The following RPS6KC1 variants were observed in gnomAD, a reference collection of about 807,000 sequenced individuals.
RPS6KC1 encodes inactive ribosomal protein S6 kinase delta-1.
A neutral mutation model predicts 103.8 loss-of-function variants in RPS6KC1; 54 were observed. The ratio of observed to expected loss-of-function variants is 0.52; its 90% CI spans 0.42 to 0.65. RPS6KC1 has a LOEUF of 0.65. Among genes scored for constraint, RPS6KC1 ranks in the 30% least tolerant of loss-of-function variants. RPS6KC1 has a pLI of 0.00. For synonymous variants in RPS6KC1, 439 were observed against 438.7 expected (o/e 1.00, Z -0.01); for missense variants, 1,151 against 1,253.8 (o/e 0.92, Z 1.24).
At chr1:213,291,616 T>C in the RPS6KC1 span, among the ~76,000 whole-genome samples, 5 of 152,132 alleles carry the variant, frequency 3.3e-5, no homozygotes, top group Admixed American at 3.3e-4. Context: ...GCACTGAAAA[T>C]TGGAGCCCAG....
At chr1:213,309,950 G>T in the RPS6KC1 span, among the ~76,000 whole-genome samples, 1 of 152,164 alleles carries the variant, frequency 6.6e-6, no homozygotes, top group South Asian at 2.1e-4. Context: ...CTCCCAAAGT[G>T]CTGGGATTAC....
chr1:213,152,484 G>A (rs1231302726), intron 6 of RPS6KC1, among the ~76,000 whole-genome samples: 2 of 151,690 alleles, frequency 1.3e-5, no homozygotes, highest in African/African-American at 4.8e-5. Context: ...CTTCCCAGAC[G>A]GGGTGGCTGC....
chr1:213,055,227 A>G (rs768380130), intron 1 of RPS6KC1, among the ~76,000 whole-genome samples: 4 of 151,924 alleles, frequency 2.6e-5, no homozygotes, highest in African/African-American at 7.3e-5. Context: ...ACTCCCCCTC[A>G]TTCCCTATCT....
At chr1:213,602,182 C>CTTTCTTTCTTTCTTTCTTT in the RPS6KC1 span, among the ~76,000 whole-genome samples, 1 of 97,732 alleles carries the variant, frequency 1.0e-5, no homozygotes, top group African/African-American at 4.5e-5. Flanking sequence ...TTCTTTCTTT[C>CTTTCTTTCTTTCTTTCTTT]TTTCTTTTTC....
chr1:213,486,894 T>C, the RPS6KC1 span, among the ~76,000 whole-genome samples: 3 of 152,238 alleles, frequency 2.0e-5, no homozygotes, highest in Non-Finnish European at 2.9e-5. Context: ...TACAGCTCTC[T>C]GGCCTTGAAA....
intron 6 of RPS6KC1, among the ~76,000 whole-genome samples, chr1:213,136,554 A>G (rs1572753408): frequency 6.6e-6 from 1 of 152,206 alleles, no homozygotes; most frequent in East Asian, 1.9e-4. Flanking sequence ...GGCCTTAAAA[A>G]ACAAAAATGA....
At chr1:213,298,561 T>C in the RPS6KC1 span, among the ~76,000 whole-genome samples, 1 of 152,304 alleles carries the variant, frequency 6.6e-6, no homozygotes, top group African/African-American at 2.4e-5. Flanking sequence ...TTCTGTTAGC[T>C]AAGTTTGAGC....
At chr1:213,787,621 C>T in the RPS6KC1 span, among the ~76,000 whole-genome samples, 306 of 152,156 alleles carry the variant, frequency 2.0e-3, 1 homozygote, top group African/African-American at 6.7e-3. Flanking sequence ...AAAGATAACT[C>T]GGTGATCTGG....
the RPS6KC1 span, among the ~76,000 whole-genome samples, chr1:213,633,996 T>G: frequency 2.1e-5 from 3 of 142,692 alleles, no homozygotes; most frequent in Non-Finnish European, 4.5e-5. Context: ...CATTACATAA[T>G]GGTAAAGGGA....
At chr1:213,556,354 G>T in the RPS6KC1 span, among the ~76,000 whole-genome samples, 1 of 152,204 alleles carries the variant, frequency 6.6e-6, no homozygotes, top group Admixed American at 6.5e-5. Context: ...AGAATGGAAA[G>T]AAATTAGCAA....
intron 14 of RPS6KC1, among the ~76,000 whole-genome samples, chr1:213,263,140 C>T (rs1448980136): frequency 2.0e-5 from 3 of 152,108 alleles, no homozygotes; most frequent in East Asian, 1.9e-4. Flanking sequence ...TTTGCAGTTA[C>T]ATTTTGTAAC....
chr1:213,076,938 C>T (rs1337711298), intron 2 of RPS6KC1, among the ~76,000 whole-genome samples: 1 of 151,116 alleles, frequency 6.6e-6, no homozygotes, highest in East Asian at 2.0e-4. Flanking sequence ...GGCACTGTGT[C>T]GGCTCACTGC....
chr1:213,070,651 C>G (rs1315175350), intron 1 of RPS6KC1, among the ~76,000 whole-genome samples: 3 of 152,186 alleles, frequency 2.0e-5, no homozygotes, highest in Non-Finnish European at 2.9e-5. Flanking sequence ...TATTTGAACA[C>G]TGTTTGAACA....
chr1:213,245,512 G>A (rs942074843), intron 12 of RPS6KC1, among the ~76,000 whole-genome samples: 2 of 152,110 alleles, frequency 1.3e-5, no homozygotes, highest in Non-Finnish European at 2.9e-5. Context: ...TTTAAACAGT[G>A]TGCACCCTCT....
the RPS6KC1 span, among the ~76,000 whole-genome samples, chr1:213,723,497 C>T: frequency 6.6e-6 from 1 of 152,216 alleles, no homozygotes; most frequent in African/African-American, 2.4e-5. Flanking sequence ...ATGGGTGTTT[C>T]CTAATCTCTT....
intron 6 of RPS6KC1, among the ~76,000 whole-genome samples, chr1:213,134,972 T>A (rs777469664): frequency 6.6e-6 from 1 of 152,136 alleles, no homozygotes; most frequent in Non-Finnish European, 1.5e-5. Context: ...TACAAGAACA[T>A]TGGGAAAGCA....
At chr1:213,383,265 C>T in the RPS6KC1 span, among the ~76,000 whole-genome samples, 2 of 152,340 alleles carry the variant, frequency 1.3e-5, 1 homozygote, top group South Asian at 4.1e-4. Flanking sequence ...TTAAAACAGG[C>T]TTTCATGGAG....
chr1:213,581,327 ATT>A, the RPS6KC1 span, among the ~76,000 whole-genome samples: 1 of 152,024 alleles, frequency 6.6e-6, no homozygotes, highest in Non-Finnish European at 1.5e-5. Flanking sequence ...TTAATGTTGT[ATT>A]CTTCCTTAGT....
chr1:213,448,316 G>T, the RPS6KC1 span, among the ~76,000 whole-genome samples: 2 of 151,540 alleles, frequency 1.3e-5, no homozygotes, highest in Admixed American at 1.3e-4. Context: ...TTCATCAGAG[G>T]CAGTCTGAGC....
Sources: gnomAD v4.1 joint callset for allele counts (sites outside exome capture counted in the v4.1 genomes callset) on GRCh38, gnomAD v4.1.1 for gene constraint, MANE v1.5 for transcripts, NCBI Gene and HGNC (gene_info 2026-07-23, HGNC 2026-07-21) for gene names.